The following PRDM13 variants were observed in gnomAD, a reference collection of about 807,000 sequenced individuals.
PRDM13 encodes the protein PR domain zinc finger protein 13.
PRDM13 carries 15 observed loss-of-function variants against 36.4 expected under a neutral mutation model. The ratio of observed to expected loss-of-function variants is 0.41; its 90% confidence interval spans 0.28 to 0.64. PRDM13 has a LOEUF of 0.64. Among genes scored for constraint, PRDM13 ranks in the 30% least tolerant of loss-of-function variants. The probability of loss-of-function intolerance (pLI) is 0.29; values close to 1 mark genes in which losing one functional copy is unlikely to be tolerated. For missense variants in PRDM13, 1,044 were observed against 1,013.5 expected (o/e 1.03, Z -0.41); for synonymous variants, 531 against 467.7 (o/e 1.14, Z -1.75).
rs1443095691 is a variant in PRDM13 at position 99,614,147 on chromosome 6, G to A, written c.1512G>A (p.Ala504=). Residue 504 remains alanine, a synonymous_variant, in exon 4 of 4, where the codon GCG becomes GCA. Coordinates refer to ENST00000369215, the MANE Select transcript of PRDM13 (RefSeq NM_021620.4). ...TCTCCTACTTCAGCGGGCCTGCAGC[G>A]GCCGCCCTAAGCCCCGCCGAGCTGG... ...ESISYFSGPA[A]AALSPAELGS... The A allele has an allele frequency of 1.3e-6, 2 of 1,598,652 alleles. No homozygotes were observed. The highest frequency in any genetic ancestry group is 4.5e-5 in the East Asian group (2 of 44,578).
Position 99,613,694 on chromosome 6 carries a change from C to T in PRDM13, c.1059C>T (p.His353=). The T allele has an allele frequency of 6.8e-7, 1 of 1,467,998 alleles. No individual in the cohort carries two copies. The highest frequency in any genetic ancestry group is 2.9e-5 in the East Asian group (1 of 34,668). 90.9% of individuals were successfully genotyped at this position (1,467,998 alleles called of 1,614,324 possible). The change falls in exon 4 of 4, where the codon CAC becomes CAT. Residue 353 remains histidine (H), a synonymous_variant. Coordinates refer to ENST00000369215, the MANE Select transcript of PRDM13 (RefSeq NM_021620.4). This position sits in a 1 kb window ranked among gnomAD's most constrained non-coding sequence, Gnocchi z 6.1. ...ENSAAGGAGH[H]HHHHAHHHHH... is the part of the protein sequence containing the mutation. ...CGGCGGCGGGCGGCGCGGGTCACCA[C>T]CATCACCACCACGCGCACCACCACC...
rs1276611696 is a variant in PRDM13 at position 99,607,005 on chromosome 6, C to G, written c.-30C>G. On this transcript the variant is annotated 5_prime_UTR_variant, in exon 1 of 4. Coordinates refer to ENST00000369215, the MANE Select transcript of PRDM13 (RefSeq NM_021620.4). ...GCGCCCTTCCAAGGACCTGGAGCAC[C>G]CGAGCGCCTGCCTGGTGGCGGCGGC... is the stretch of plus-strand genomic sequence containing the variant. 6.3e-7 allele frequency: 1 copy of G among 1,592,702 alleles called. No individual in the cohort carries two copies. Among genetic ancestry groups the G allele is most frequent in the African/African-American group, 1.3e-5 (1 of 74,476 alleles).
In PRDM13 at chr6:99,613,501, C is replaced by A. The variant is rs533658484; in HGVS notation, c.866C>A (p.Pro289His). 1.1e-4 allele frequency: 170 copies of A among 1,519,626 alleles called. No individual in the cohort carries two copies. The African/African-American group carries it at 2.3e-3, about 20-fold the overall frequency. 94.1% of individuals were successfully genotyped at this position (1,519,626 alleles called of 1,614,324 possible). The stretch of plus-strand genomic sequence containing the variant: ...GGGGTCGGCAGCCTGGCTTTCTACC[C>A]CGGCGTGCGCTCAGCTTTCAAGCCC... ...SAGVGSLAFY[P>H]GVRSAFKPAG... The change falls in exon 4 of 4, where the codon CCC (proline) becomes CAC (histidine). Residue 289 changes from proline (P) to histidine (H), a missense_variant. Pro to His is a moderately conservative substitution (Grantham distance 77, BLOSUM62 -2). This residue lies in a region of PRDM13 where 921 missense variants were observed against 865.2 expected (regional missense o/e 1.06). Transcript: ENST00000369215. The surrounding 1 kb of genome is among the most constrained non-coding windows in gnomAD (Gnocchi z 6.1).
chr6:99,610,192 T>C (rs532759999), intron 3 of PRDM13, among the ~76,000 whole-genome samples: 1 of 152,336 alleles, frequency 6.6e-6, no homozygotes, highest in African/African-American at 2.4e-5. Context: ...ATTTATTTGA[T>C]CCCTTCAAAG....
intron 3 of PRDM13, among the ~76,000 whole-genome samples, chr6:99,612,734 C>T (rs996324280): frequency 1.3e-5 from 2 of 152,196 alleles, no homozygotes; most frequent in African/African-American, 4.8e-5. Context: ...GGCCAGCCTG[C>T]CTGAGTGCTG....
At chr6:99,609,426 G>C in intron 3 of PRDM13, 119 bp downstream of exon 3, 2 of 1,386,130 alleles carry the variant, frequency 1.4e-6, no homozygotes, top group South Asian at 1.4e-5. Context: ...TGTATTTCAA[G>C]GCAAAGAGGA....
At chr6:99,608,336 G>C (rs922323725) in intron 1 of PRDM13, among the ~76,000 whole-genome samples, 5 of 152,156 alleles carry the variant, frequency 3.3e-5, no homozygotes, top group African/African-American at 1.2e-4. Flanking sequence ...TTGTTTGTTT[G>C]TCGGGGGTAC....
intron 3 of PRDM13, 120 bp downstream of exon 3, chr6:99,609,427 G>A (rs1770001066): frequency 2.2e-6 from 3 of 1,375,154 alleles, no homozygotes; most frequent in Non-Finnish European, 3.0e-6. Flanking sequence ...GTATTTCAAG[G>A]CAAAGAGGAG....
chr6:99,614,138 G>T lies in PRDM13; in HGVS notation c.1503G>T (p.Gly501=). ...CGGAGTCCATCTCCTACTTCAGCGG[G>T]CCTGCAGCGGCCGCCCTAAGCCCCG... The part of the protein sequence containing the change: ...KYPESISYFS[G]PAAAALSPAE... Residue 501 remains glycine, a synonymous_variant, in exon 4 of 4, where the codon GGG becomes GGT. Coordinates refer to ENST00000369215, the MANE Select transcript of PRDM13 (RefSeq NM_021620.4). The T allele has an allele frequency of 6.3e-7, 1 of 1,598,696 alleles. No homozygotes were observed. The highest frequency in any genetic ancestry group is 8.5e-7 in the Non-Finnish European group (1 of 1,174,726).
chr6:99,608,338 CG>C (rs1396636248), intron 1 of PRDM13, among the ~76,000 whole-genome samples: 1 of 152,100 alleles, frequency 6.6e-6, no homozygotes, highest in African/African-American at 2.4e-5. Flanking sequence ...GTTTGTTTGT[CG>C]GGGGTACGCT....
At chr6:99,609,020 C>G (rs1348166059) in intron 2 of PRDM13, 148 bp downstream of exon 2, 23 of 1,395,602 alleles carry the variant, frequency 1.6e-5, no homozygotes, top group Non-Finnish European at 2.1e-5. Flanking sequence ...AAGGTAGTTA[C>G]TATTGTTTTT....
At position 99,613,269 on chromosome 6, in the gene PRDM13, C is replaced by T. The variant is rs571366042; in HGVS notation, c.634C>T (p.Pro212Ser). ...CCAGGCAGGAACTTTGCGACCCCAC[C>T]CCCTGGGCCCGCCACCAGTTCAGGC... ...PSQAGTLRPH[P>S]LGPPPVQACG... Residue 212 changes from proline (P) to serine (S), a missense_variant, in exon 4 of 4, where the codon CCC becomes TCC. Physicochemically the swap from Pro to Ser is moderately conservative, Grantham distance 74 (BLOSUM62 -1). This residue lies in a region of PRDM13 where 921 missense variants were observed against 865.2 expected (regional missense o/e 1.06). Coordinates refer to ENST00000369215, the MANE Select transcript of PRDM13 (RefSeq NM_021620.4). This position sits in a 1 kb window ranked among gnomAD's most constrained non-coding sequence, Gnocchi z 6.1. The T allele has an allele frequency of 2.4e-5, 38 of 1,598,002 alleles. No homozygotes were observed. The South Asian group carries it at 3.4e-4, about 14-fold the overall frequency.
chr6:99,614,410 T>C lies in PRDM13; in HGVS notation c.1775T>C (p.Met592Thr). 1 of 1,613,428 alleles carries C rather than the reference T, an allele frequency of 6.2e-7. No homozygotes were observed. Among genetic ancestry groups the C allele is most frequent in the South Asian group, 1.1e-5 (1 of 91,078 alleles). The change falls in exon 4 of 4, where the codon ATG becomes ACG. Residue 592 changes from methionine (M) to threonine (T), a missense_variant. By Grantham distance (81) the Met-to-Thr change is moderately conservative. Transcript: ENST00000369215. Reference sequence around the variant, plus strand: ...CGCAAGTATGGGCTCAAGATCCACATGCGGACGCACACGGGCTACAAGCCA... The same window carrying C: ...CGCAAGTATGGGCTCAAGATCCACACGCGGACGCACACGGGCTACAAGCCA... ...YSRKYGLKIH[M>T]RTHTGYKPLK...
At chr6:99,611,195 C>T (rs1770026489) in intron 3 of PRDM13, among the ~76,000 whole-genome samples, 1 of 152,104 alleles carries the variant, frequency 6.6e-6, no homozygotes, top group South Asian at 2.1e-4. Context: ...CTGCTATCCT[C>T]CTAATACTAG....
chr6:99,610,735 T>C lies in PRDM13; in HGVS notation c.397+1428T>C, dbSNP rs555604156. 3.9e-5 allele frequency among the ~76,000 whole-genome samples: 6 copies of C among 152,350 alleles called. No homozygotes were observed. The South Asian group carries it at 1.0e-3, about 26-fold the overall frequency. On this transcript the variant is annotated intron_variant, in intron 3 of 3. Coordinates refer to ENST00000369215, the MANE Select transcript of PRDM13 (RefSeq NM_021620.4). ...AAAGAGAAGTATAATAAAAGCCACATAGTGGAGAACTCTCAAATCTGCCAC... is the reference window on the plus strand; with the variant it reads ...AAAGAGAAGTATAATAAAAGCCACACAGTGGAGAACTCTCAAATCTGCCAC...
rs1770095995 is a variant in PRDM13 at position 99,614,410 on chromosome 6, T to G, written c.1775T>G (p.Met592Arg). The change falls in exon 4 of 4, where the codon ATG becomes AGG. Residue 592 changes from methionine to arginine, a missense_variant. By Grantham distance (91) the Met-to-Arg change is moderately conservative (BLOSUM62 -1). Transcript: ENST00000369215. ...CGCAAGTATGGGCTCAAGATCCACATGCGGACGCACACGGGCTACAAGCCA... is the reference window on the plus strand; with the variant it reads ...CGCAAGTATGGGCTCAAGATCCACAGGCGGACGCACACGGGCTACAAGCCA... Reference protein sequence around the residue: ...YSRKYGLKIHMRTHTGYKPLK... With the variant: ...YSRKYGLKIHRRTHTGYKPLK... The G allele has an allele frequency of 3.1e-6, 5 of 1,613,310 alleles. No individual in the cohort carries two copies. The African/African-American group carries it at 5.3e-5, about 17-fold the overall frequency.
At chr6:99,612,946 G>A in intron 3 of PRDM13, 87 bp from the exon 4 acceptor site, 2 of 1,556,426 alleles carry the variant, frequency 1.3e-6, no homozygotes, top group Non-Finnish European at 1.7e-6. Context: ...GTCGAAACTT[G>A]GGCTTTGCCT....
chr6:99,608,353 G>T (rs1265253113), intron 1 of PRDM13, among the ~76,000 whole-genome samples: 2 of 152,112 alleles, frequency 1.3e-5, no homozygotes, highest in Non-Finnish European at 2.9e-5. Context: ...GTACGCTCTG[G>T]GCCCTGGGAC....
rs1335171993 is a variant in PRDM13 at position 99,613,948 on chromosome 6, C to A, written c.1313C>A (p.Pro438His). ...GLPLERCALP[P>H]LDPGGLKAYP... The stretch of plus-strand genomic sequence containing the variant: ...CCCCTCGAGCGCTGCGCGCTGCCGC[C>A]CCTCGACCCGGGCGGTCTCAAAGCC... Residue 438 changes from proline to histidine, a missense_variant, in exon 4 of 4, where the codon CCC (proline) becomes CAC (histidine). Pro to His is a moderately conservative substitution (Grantham distance 77). Transcript: ENST00000369215. This position sits in a 1 kb window ranked among gnomAD's most constrained non-coding sequence, Gnocchi z 6.1. 2 of 1,591,200 alleles carry A rather than the reference C, an allele frequency of 1.3e-6. No homozygotes were observed. The highest frequency in any genetic ancestry group is 1.7e-6 in the Non-Finnish European group (2 of 1,172,432).
Sources: gnomAD v4.1 joint callset for allele counts (sites outside exome capture counted in the v4.1 genomes callset) on GRCh38, gnomAD v4.1.1 for gene constraint, gnomAD v4.1.1 regional missense constraint, Gnocchi (gnomAD v3.1) non-coding constraint, MANE v1.5 for transcripts, NCBI Gene and HGNC (gene_info 2026-07-23, HGNC 2026-07-21) for gene names.